DGLUCY: variants seen among roughly 807,000 people sequenced by gnomAD.
DGLUCY encodes D-glutamate cyclase, also known as D-glutamate cyclase, mitochondrial.
In DGLUCY, 58 loss-of-function variants were observed where a neutral mutation model predicts 58.5. The observed-to-expected ratio is 0.99, with a 90% CI of 0.80 to 1.23. The LOEUF (loss-of-function observed/expected upper bound fraction) is 1.23. DGLUCY is among the 50% of genes most tolerant of loss of function. DGLUCY has a pLI of 0.00. For synonymous variants in DGLUCY, 325 were observed against 314.1 expected, an observed-to-expected ratio of 1.03 and a Z score of -0.37; for missense variants, 779 against 784.7, an observed-to-expected ratio of 0.99 and a Z score of 0.09.
chr14:91,220,886 G>A, intron 13 of DGLUCY: 1 of 350,742 alleles, frequency 2.9e-6, no homozygotes. Context: ...CTGGGAGTGG[G>A]CAAGCCAATG....
At chr14:91,201,894 T>C (rs2050584481) in intron 11 of DGLUCY, among the ~76,000 whole-genome samples, 2 of 151,594 alleles carry the variant, frequency 1.3e-5, no homozygotes, top group African/African-American at 4.8e-5. Context: ...CTCTATTAAA[T>C]ATATAAAAAA....
intron 9 of DGLUCY, among the ~76,000 whole-genome samples, chr14:91,190,963 G>T (rs560882968): frequency 6.6e-6 from 1 of 152,136 alleles, no homozygotes; most frequent in Admixed American, 6.5e-5. Flanking sequence ...GTGCCTCATG[G>T]CACATCCCTT....
chr14:91,074,412 G>A (rs1424539275), intron 1 of DGLUCY, among the ~76,000 whole-genome samples: 1 of 151,302 alleles, frequency 6.6e-6, no homozygotes. Context: ...CCAGGAGTTC[G>A]AGGCTGCAGT....
chr14:91,194,380 C>G (rs1398235268), intron 9 of DGLUCY, among the ~76,000 whole-genome samples: 8 of 152,056 alleles, frequency 5.3e-5, no homozygotes, highest in African/African-American at 1.9e-4. Context: ...TGGGTCATTC[C>G]CCTTTGTTGT....
chr14:91,128,783 A>C (rs988022848), intron 1 of DGLUCY: 1 of 152,100 alleles, frequency 6.6e-6, no homozygotes, highest in African/African-American at 2.4e-5. Context: ...AACAGAAGAC[A>C]CAGGAAGGGC....
intron 12 of DGLUCY, among the ~76,000 whole-genome samples, chr14:91,213,499 A>G (rs1191170421): frequency 6.6e-6 from 1 of 152,318 alleles, no homozygotes; most frequent in East Asian, 1.9e-4. Context: ...CTAAGAAAGG[A>G]AAATACAACC....
At chr14:91,093,298 A>G (rs922200988) in intron 1 of DGLUCY, among the ~76,000 whole-genome samples, 2 of 152,166 alleles carry the variant, frequency 1.3e-5, no homozygotes, top group Non-Finnish European at 1.5e-5. Flanking sequence ...ATGAAGTATC[A>G]TTATCCCCAT....
At chr14:91,130,594 C>T (rs1270729508) in intron 1 of DGLUCY, among the ~76,000 whole-genome samples, 1 of 152,028 alleles carries the variant, frequency 6.6e-6, no homozygotes, top group African/African-American at 2.4e-5. Context: ...GTGTGAGCCA[C>T]CACACCTGGC....
Position 91,126,020 on chromosome 14 carries a change from G to A in DGLUCY, c.-82+11737G>A, listed in dbSNP as rs78150782. ...TGACCATCCTCAACCCAAGCATTGT[G>A]CTAAGGAGGATGGGCTATTTTGATT... On this transcript the variant is annotated intron_variant, in intron 1 of 13. Transcript: ENST00000256324. Among the ~76,000 whole-genome samples, 541 of 152,316 alleles carry A rather than the reference G, an allele frequency of 3.6e-3. 3 individuals are homozygous for A. Among genetic ancestry groups the A allele is most frequent in the Middle Eastern group, 0.014 (4 of 294 alleles).
At chr14:91,105,016 A>G (rs17224369), upstream of DGLUCY, among the ~76,000 whole-genome samples, 19,390 of 152,260 alleles carry the variant, frequency 0.13, 1,596 homozygotes, top group Non-Finnish European at 0.19. Context: ...CTTCTATTAC[A>G]TAAAAATTGC....
rs188122648 is a variant in DGLUCY at position 91,225,487 on chromosome 14, G to A, written c.*654G>A. On this transcript the variant is annotated 3_prime_UTR_variant, in exon 14 of 14. Transcript: ENST00000256324. Reference sequence around the variant, plus strand: ...CCCGCCTGCCAGTCACCCAGCAGGTGATCAGATCGACTGTCATGGTATTGC... The same window carrying A: ...CCCGCCTGCCAGTCACCCAGCAGGTAATCAGATCGACTGTCATGGTATTGC... 2 of 152,376 alleles carry A rather than the reference G, an allele frequency of 1.3e-5. No individual in the cohort carries two copies. The highest frequency in any genetic ancestry group is 4.8e-5 in the African/African-American group (2 of 41,560). 9.4% of individuals were successfully genotyped at this position (152,376 alleles called of 1,614,324 possible). A position where few individuals can be genotyped will look rare whatever the true frequency, so the allele number is the denominator to read the frequency against.
intron 1 of DGLUCY, among the ~76,000 whole-genome samples, chr14:91,094,107 T>C (rs1268495690): frequency 3.9e-5 from 6 of 152,152 alleles, no homozygotes; most frequent in Non-Finnish European, 8.8e-5. Flanking sequence ...TCTTATGTTA[T>C]GTGCATTTTA....
intron 1 of DGLUCY, among the ~76,000 whole-genome samples, chr14:91,071,617 C>G (rs1286036383): frequency 6.6e-6 from 1 of 152,110 alleles, no homozygotes; most frequent in Non-Finnish European, 1.5e-5. Flanking sequence ...CGCCTATAAT[C>G]CCAGCACTTT....
At chr14:91,115,881 TG>T (rs2044904371) in intron 1 of DGLUCY, among the ~76,000 whole-genome samples, 3 of 152,196 alleles carry the variant, frequency 2.0e-5, no homozygotes, top group Non-Finnish European at 4.4e-5. Flanking sequence ...CGGCTGGCGC[TG>T]TAGCTGCTGG....
intron 8 of DGLUCY, 78 bp downstream of exon 8, chr14:91,181,467 A>G (rs1430850382): frequency 7.0e-7 from 1 of 1,431,272 alleles, no homozygotes; most frequent in Non-Finnish European, 9.6e-7. Flanking sequence ...TCACCTTTTC[A>G]GTGAAAAAGG....
At chr14:91,180,027 G>A (rs1015620843) in intron 7 of DGLUCY, among the ~76,000 whole-genome samples, 1 of 149,968 alleles carries the variant, frequency 6.7e-6, no homozygotes, top group Admixed American at 6.7e-5. Context: ...AAGTAGCTGG[G>A]ATTACAGGCG....
chr14:91,077,129 C>G (rs1466364470), intron 1 of DGLUCY, among the ~76,000 whole-genome samples: 1 of 151,794 alleles, frequency 6.6e-6, no homozygotes, highest in Non-Finnish European at 1.5e-5. Flanking sequence ...GCCTGTGGTC[C>G]CAGCTATTCA....
At chr14:91,200,850 G>A (rs748820447) in intron 11 of DGLUCY, among the ~76,000 whole-genome samples, 32 of 152,296 alleles carry the variant, frequency 2.1e-4, no homozygotes, top group Non-Finnish European at 2.9e-4. Context: ...AGGAGTCAGC[G>A]AAGGGTCGTG....
At chr14:91,193,140 C>T (rs1018670877) in intron 9 of DGLUCY, among the ~76,000 whole-genome samples, 1 of 152,004 alleles carries the variant, frequency 6.6e-6, no homozygotes, top group Admixed American at 6.6e-5. Flanking sequence ...GAACAGCCAG[C>T]GAGGGAGACG....
Sources: gnomAD v4.1 joint callset for allele counts (sites outside exome capture counted in the v4.1 genomes callset) on GRCh38, gnomAD v4.1.1 for gene constraint, MANE v1.5 for transcripts, NCBI Gene and HGNC (gene_info 2026-07-23, HGNC 2026-07-21) for gene names.